Variants in SLC9B1 observed in about 807,000 individuals in gnomAD.
The protein encoded by SLC9B1 is sodium/hydrogen exchanger 9B1.
Under a neutral mutation model 51.7 loss-of-function variants are expected in SLC9B1, and 32 were observed. That is an observed-to-expected ratio of 0.62 (90% CI 0.47 to 0.83). SLC9B1 has a LOEUF of 0.83. Ranked by LOEUF, SLC9B1 falls within the 40% of genes least tolerant of loss-of-function variation. The pLI is 0.00. For synonymous variants in SLC9B1, 145 were observed against 212.7 expected (o/e 0.68, Z 2.77); for missense variants, 406 against 613.2 (o/e 0.66, Z 3.57).
rs939500085 is a variant in SLC9B1, at chr4:102,990,031, A to T, written c.70-90T>A. 9 of 1,020,708 alleles carry T rather than the reference A, an allele frequency of 8.8e-6. No homozygotes were observed. The African/African-American group carries it at 1.5e-4, about 17-fold the overall frequency. The allele number at this position is 1,020,708 out of a possible 1,614,324, so 63.2% of individuals were successfully genotyped here. On this transcript the variant is annotated intron_variant, in intron 2 of 11. Coordinates refer to ENST00000296422, the MANE Select transcript of SLC9B1 (RefSeq NM_139173.4). ...ACCACCAAATTTTAGAATTAAATTT[A>T]TATTATTACTGTCAATGCGAGGAAT...
chr4:102,980,264 T>A (rs1249247642), intron 3 of SLC9B1, among the ~76,000 whole-genome samples: 1 of 152,192 alleles, frequency 6.6e-6, no homozygotes, highest in Non-Finnish European at 1.5e-5. Context: ...CAAAGGAATA[T>A]AAATCATTCT....
At chr4:102,973,921 G>A (rs367617533) in intron 3 of SLC9B1, among the ~76,000 whole-genome samples, 72 of 152,188 alleles carry the variant, frequency 4.7e-4, no homozygotes, top group East Asian at 1.5e-3. Context: ...TTAGTTAAGC[G>A]TCCACCTTCG....
At chr4:102,910,843 A>G (rs1325734803) in intron 8 of SLC9B1, among the ~76,000 whole-genome samples, 1 of 151,958 alleles carries the variant, frequency 6.6e-6, no homozygotes, top group East Asian at 1.9e-4. Flanking sequence ...AAGTATTACT[A>G]TAAGTGAAGA....
rs577202661 is a variant in SLC9B1 at position 102,925,894 on chromosome 4, C to T, written c.829+6230G>A. Among the ~76,000 whole-genome samples, 89 of 152,144 alleles carry T rather than the reference C, an allele frequency of 5.8e-4. 1 individual carries two copies. The highest frequency in any genetic ancestry group is 2.7e-3 in the Admixed American group (41 of 15,264). On this transcript the variant is annotated intron_variant, in intron 7 of 11. Coordinates refer to ENST00000296422, the MANE Select transcript of SLC9B1 (RefSeq NM_139173.4). ...CCAGCAGCACATCAAAAAGCTTATC[C>T]ACCACGATCAAGTCGGCTTCATCTC...
At chr4:102,903,357 A>G (rs1198849580) in intron 11 of SLC9B1, among the ~76,000 whole-genome samples, 1 of 152,070 alleles carries the variant, frequency 6.6e-6, no homozygotes, top group East Asian at 1.9e-4. Flanking sequence ...TAAAATAACA[A>G]CATTGTTAAT....
chr4:102,938,606 T>C (rs750360279), intron 6 of SLC9B1, among the ~76,000 whole-genome samples: 2 of 152,268 alleles, frequency 1.3e-5, no homozygotes, highest in Middle Eastern at 3.4e-3. Flanking sequence ...TATTGTAAAA[T>C]TGATCACACT....
intron 11 of SLC9B1, among the ~76,000 whole-genome samples, chr4:102,903,450 A>T (rs895889253): frequency 3.9e-5 from 6 of 152,246 alleles, no homozygotes; most frequent in African/African-American, 9.6e-5. Flanking sequence ...GCTAAGAAAC[A>T]GATACAGTCA....
intron 7 of SLC9B1, among the ~76,000 whole-genome samples, chr4:102,924,402 T>G (rs1239108569): frequency 6.6e-6 from 1 of 152,148 alleles, no homozygotes; most frequent in African/African-American, 2.4e-5. Flanking sequence ...ATATAAAAAT[T>G]AATTCAAGAT....
downstream of SLC9B1, chr4:102,896,633 C>T (rs1734554838): frequency 6.6e-6 from 1 of 152,202 alleles, no homozygotes; most frequent in Non-Finnish European, 1.5e-5. Flanking sequence ...GCGGCTTCAA[C>T]CAGGACCCGC....
At chr4:102,945,790 T>C (rs899421784) in intron 5 of SLC9B1, among the ~76,000 whole-genome samples, 1 of 152,148 alleles carries the variant, frequency 6.6e-6, no homozygotes, top group Non-Finnish European at 1.5e-5. Context: ...TACTTTCTGC[T>C]GGAGAATATA....
rs539725463 is a variant in SLC9B1 at position 102,928,727 on chromosome 4, C to T, written c.829+3397G>A. Among the ~76,000 whole-genome samples, 10 of 152,042 alleles carry T rather than the reference C, an allele frequency of 6.6e-5. 1 individual carries two copies. The highest frequency in any genetic ancestry group is 6.8e-3 in the Middle Eastern group (2 of 294). On this transcript the variant is annotated intron_variant, in intron 7 of 11. Coordinates refer to ENST00000296422, the MANE Select transcript of SLC9B1 (RefSeq NM_139173.4). ...CATCACAAAGTGAAGTCCCACAACA[C>T]GTCTGCAAGTTGAGGGGCAAGGAAT... is the stretch of plus-strand genomic sequence containing the variant.
chr4:102,945,721 C>A (rs975277395), intron 5 of SLC9B1, among the ~76,000 whole-genome samples: 3 of 152,034 alleles, frequency 2.0e-5, no homozygotes, highest in African/African-American at 7.2e-5. Flanking sequence ...AAGAAAATAA[C>A]TTAAAAACTG....
At chr4:102,917,146 C>A (rs1171461577) in intron 7 of SLC9B1, among the ~76,000 whole-genome samples, 2 of 152,194 alleles carry the variant, frequency 1.3e-5, no homozygotes, top group African/African-American at 4.8e-5. Flanking sequence ...ACTCTAGGTT[C>A]TTTTGCCTTT....
chr4:102,928,138 A>G (rs1736281743), intron 7 of SLC9B1, among the ~76,000 whole-genome samples: 2 of 152,238 alleles, frequency 1.3e-5, no homozygotes, highest in South Asian at 4.1e-4. Flanking sequence ...TGATGAGTTG[A>G]TGGGTGCAGC....
intron 1 of SLC9B1, among the ~76,000 whole-genome samples, chr4:103,012,647 T>C (rs1160256931): frequency 6.6e-6 from 1 of 152,256 alleles, no homozygotes; most frequent in Non-Finnish European, 1.5e-5. Context: ...CCTGCTGCTA[T>C]GCCAAAATAC....
chr4:102,910,018 T>C (rs968105077), intron 9 of SLC9B1, among the ~76,000 whole-genome samples: 5 of 152,078 alleles, frequency 3.3e-5, no homozygotes, highest in South Asian at 2.1e-4. Flanking sequence ...TTTCACCATG[T>C]TGGCCACACT....
intron 3 of SLC9B1, chr4:102,963,294 C>T: frequency 3.2e-6 from 1 of 308,034 alleles, no homozygotes; most frequent in South Asian, 3.4e-5. Context: ...GCCCCAGCAT[C>T]TGCCACCACA....
intron 1 of SLC9B1, among the ~76,000 whole-genome samples, chr4:103,000,832 A>G (rs1402796335): frequency 5.3e-5 from 8 of 152,194 alleles, no homozygotes; most frequent in Admixed American, 5.2e-4. Flanking sequence ...TGGATCTACC[A>G]TTCTGGTGTC....
chr4:102,965,023 C>T (rs1482900592), intron 3 of SLC9B1, among the ~76,000 whole-genome samples: 1 of 152,020 alleles, frequency 6.6e-6, no homozygotes, highest in Non-Finnish European at 1.5e-5. Flanking sequence ...CCACATACCA[C>T]ACCCCCTCCC....
Sources: gnomAD v4.1 joint callset for allele counts (sites outside exome capture counted in the v4.1 genomes callset) on GRCh38, gnomAD v4.1.1 for gene constraint, MANE v1.5 for transcripts, NCBI Gene and HGNC (gene_info 2026-07-23, HGNC 2026-07-21) for gene names.